Variants in C2orf72 observed in about 807,000 individuals in gnomAD.
C2orf72 encodes chromosome 2 open reading frame 72, also known as uncharacterized protein C2orf72.
A neutral mutation model predicts 14.4 loss-of-function variants in C2orf72; 16 were observed. That is an observed-to-expected ratio of 1.11 (90% CI 0.75 to 1.69). The LOEUF is 1.69. C2orf72 is among the 40% of genes most tolerant of loss of function. C2orf72 has a pLI of 0.00. For synonymous variants in C2orf72, 168 were observed against 176.8 expected (o/e 0.95, Z 0.40); for missense variants, 371 against 358.3 (o/e 1.04, Z -0.29).
At position 231,041,291 on chromosome 2, in the gene C2orf72, C is replaced by T. The variant is rs1693336404; in HGVS notation, c.635-5C>T. On this transcript the variant is annotated splice_region_variant and splice_polypyrimidine_tract_variant and intron_variant, in intron 1 of 2. Transcript: ENST00000373640. ...CCTCTGACTCAGGTTTTGTGTTCTT[C>T]CTAGTGGAAGGAGCCTGGGAGAGGC... The T allele has an allele frequency of 6.5e-7, 1 of 1,546,928 alleles. No homozygotes were observed. Among genetic ancestry groups the T allele is most frequent in the Non-Finnish European group, 8.7e-7 (1 of 1,144,082 alleles).
chr2:231,044,377 G>A (rs185063108), intron 2 of C2orf72, among the ~76,000 whole-genome samples: 261 of 152,134 alleles, frequency 1.7e-3, no homozygotes, highest in Middle Eastern at 3.4e-3. Context: ...GCATGATGGC[G>A]CGTGCCTGTA....
rs148390973 is a variant in C2orf72 at position 231,044,046 on chromosome 2, T to C, written c.748+2637T>C. Among the ~76,000 whole-genome samples the C allele has an allele frequency of 3.6e-3, 555 of 152,316 alleles. 10 individuals carry two copies. The highest frequency in any genetic ancestry group is 2.3e-3 in the Non-Finnish European group (156 of 68,022). ...TGGGCAACTGTAACACAATGGTAAGTAGCTGTGTGTCTCAACATACCTAAA... is the reference window on the plus strand; with the variant it reads ...TGGGCAACTGTAACACAATGGTAAGCAGCTGTGTGTCTCAACATACCTAAA... On this transcript the variant is annotated intron_variant, in intron 2 of 2. Coordinates refer to ENST00000373640, the MANE Select transcript of C2orf72 (RefSeq NM_001144994.2).
chr2:231,041,702 G>T (rs1559209253), intron 2 of C2orf72, among the ~76,000 whole-genome samples: 1 of 152,056 alleles, frequency 6.6e-6, no homozygotes, highest in Non-Finnish European at 1.5e-5. Context: ...ACGTGCATGG[G>T]ACCAAACACA....
chr2:231,038,342 G>A, intron 1 of C2orf72, 143 bp downstream of exon 1: 1 of 673,216 alleles, frequency 1.5e-6, no homozygotes, highest in African/African-American at 1.9e-5. Context: ...GCCAGGCCTC[G>A]CAGCTAGCGG....
chr2:231,046,774 G>T (rs1693423348), intron 2 of C2orf72, 108 bp from the exon 3 acceptor site: 1 of 1,161,414 alleles, frequency 8.6e-7, no homozygotes, highest in East Asian at 2.6e-5. Context: ...ATTTTGTTTT[G>T]TTTTTTAAGT....
In C2orf72 at chr2:231,046,979, A is replaced by G; in HGVS notation, c.846A>G (p.Gly282=). 1.3e-6 allele frequency: 2 copies of G among 1,551,674 alleles called. No individual in the cohort carries two copies. Among genetic ancestry groups the G allele is most frequent in the Non-Finnish European group, 1.7e-6 (2 of 1,147,012 alleles). ...GAAGGGGGTCAAAAGCCTGTGATGG[A>G]GTCGTACACACTCCTGCTGAGCCCA... ...DLGRGSKACD[G]VVHTPAEPTG... is the part of the protein sequence containing the mutation. Residue 282 remains glycine (G), a synonymous_variant, in exon 3 of 3, where the codon GGA becomes GGG. Transcript: ENST00000373640.
At chr2:231,041,196 C>T (rs1484277281) in intron 1 of C2orf72, 100 bp from the exon 2 acceptor site, 1 of 792,032 alleles carries the variant, frequency 1.3e-6, no homozygotes, top group East Asian at 2.9e-5. Flanking sequence ...GAAACTAGGG[C>T]AGTTGACCGT....
chr2:231,042,985 C>A (rs1415587299), intron 2 of C2orf72, among the ~76,000 whole-genome samples: 1 of 152,204 alleles, frequency 6.6e-6, no homozygotes, highest in East Asian at 1.9e-4. Context: ...GCCTAGGCAA[C>A]AAGAGTGAAA....
intron 2 of C2orf72, among the ~76,000 whole-genome samples, chr2:231,045,156 C>G (rs775393821): frequency 6.6e-6 from 1 of 151,620 alleles, no homozygotes. Context: ...CTCAGCTACT[C>G]GGGAGGCTGA....
rs951007225 is a variant in C2orf72 at position 231,047,456 on chromosome 2, C to T, written c.*435C>T. 7 of 317,860 alleles carry T rather than the reference C, an allele frequency of 2.2e-5. No individual in the cohort carries two copies. Among genetic ancestry groups the T allele is most frequent in the African/African-American group, 4.3e-5 (2 of 46,390 alleles). 19.7% of individuals were successfully genotyped at this position (317,860 alleles called of 1,614,324 possible). A position where few individuals can be genotyped will look rare whatever the true frequency, so the allele number is the denominator to read the frequency against. On this transcript the variant is annotated 3_prime_UTR_variant, in exon 3 of 3. Transcript: ENST00000373640. Reference sequence around the variant, plus strand: ...CTGAGGCATGGCCTTGAACATGTCACTCAGTCTCTGGGGCTTCTGTTTCAC... The same window carrying T: ...CTGAGGCATGGCCTTGAACATGTCATTCAGTCTCTGGGGCTTCTGTTTCAC...
At chr2:231,039,697 T>C (rs881185) in intron 1 of C2orf72, among the ~76,000 whole-genome samples, 6,718 of 151,906 alleles carry the variant, frequency 0.044, 229 homozygotes, top group Non-Finnish European at 0.066. Context: ...AGGCCTCCAA[T>C]AGAAAGAAGG....
intron 1 of C2orf72, 49 bp from the exon 2 acceptor site, chr2:231,041,247 G>C: frequency 7.5e-7 from 1 of 1,337,790 alleles, no homozygotes; most frequent in Non-Finnish European, 1.0e-6. Flanking sequence ...TCAGTCTTGT[G>C]AAGTGGGAAC....
At chr2:231,046,860 G>A (rs966230539) in intron 2 of C2orf72, 22 bp from the exon 3 acceptor site, 1 of 1,538,408 alleles carries the variant, frequency 6.5e-7, no homozygotes, top group Non-Finnish European at 8.8e-7. Flanking sequence ...CTGATTCAGT[G>A]ATTTCTTCTC....
At chr2:231,042,681 A>C (rs1286316057) in intron 2 of C2orf72, among the ~76,000 whole-genome samples, 1 of 152,220 alleles carries the variant, frequency 6.6e-6, no homozygotes, top group Non-Finnish European at 1.5e-5. Flanking sequence ...CCATTAGTTG[A>C]TGTGTCAGTC....
intron 2 of C2orf72, among the ~76,000 whole-genome samples, chr2:231,044,053 G>A (rs1011808737): frequency 2.3e-4 from 35 of 152,268 alleles, no homozygotes; most frequent in Non-Finnish European, 3.2e-4. Context: ...AAGTAGCTGT[G>A]TGTCTCAACA....
At chr2:231,039,697 T>G (rs881185) in intron 1 of C2orf72, among the ~76,000 whole-genome samples, 28,479 of 151,864 alleles carry the variant, frequency 0.19, 3,012 homozygotes, top group African/African-American at 0.28. Flanking sequence ...AGGCCTCCAA[T>G]AGAAAGAAGG....
rs1022866710 is a variant in C2orf72 at position 231,038,148 on chromosome 2, G to C, written c.583G>C (p.Val195Leu). 5 of 1,165,548 alleles carry C rather than the reference G, an allele frequency of 4.3e-6. No individual in the cohort carries two copies. The African/African-American group carries it at 8.1e-5, about 19-fold the overall frequency. The allele number at this position is 1,165,548 out of a possible 1,614,324, so 72.2% of individuals were successfully genotyped here. Residue 195 changes from valine (V) to leucine (L), a missense_variant, in exon 1 of 3, where the codon GTC becomes CTC. This residue lies in a region of C2orf72 where 145 missense variants were observed against 149.4 expected (regional missense o/e 0.97). Coordinates refer to ENST00000373640, the MANE Select transcript of C2orf72 (RefSeq NM_001144994.2). ...CGGCCTCCCGGCCTCCTGCCTGGCC[G>C]TCCAGGCGGCCGCCTGCAGGGCCCT... ...CPGLPASCLA[V>L]QAAACRALQA...
intron 2 of C2orf72, among the ~76,000 whole-genome samples, chr2:231,043,288 A>G (rs955826715): frequency 2.0e-5 from 3 of 152,190 alleles, no homozygotes; most frequent in Non-Finnish European, 4.4e-5. Flanking sequence ...TGACTAAGCT[A>G]TCACATTCAC....
chr2:231,038,012 G>A lies in C2orf72; in HGVS notation c.447G>A (p.Glu149=). ...GAALVGVLVA[E]AGPEDAVAPG... ...CGCTGGTCGGGGTGCTGGTGGCCGA[G>A]GCCGGGCCAGAGGACGCGGTGGCGC... The change falls in exon 1 of 3, where the codon GAG becomes GAA. Residue 149 remains glutamate (E), a synonymous_variant. Transcript: ENST00000373640. 1.2e-5 allele frequency: 13 copies of A among 1,059,930 alleles called. No homozygotes were observed. Among genetic ancestry groups the A allele is most frequent in the African/African-American group, 1.7e-5 (1 of 58,742 alleles). 65.7% of individuals were successfully genotyped at this position (1,059,930 alleles called of 1,614,324 possible). A position where few individuals can be genotyped will look rare whatever the true frequency, so the allele number is the denominator to read the frequency against.
Sources: gnomAD v4.1 joint callset for allele counts (sites outside exome capture counted in the v4.1 genomes callset) on GRCh38, gnomAD v4.1.1 for gene constraint, gnomAD v4.1.1 regional missense constraint, MANE v1.5 for transcripts, NCBI Gene and HGNC (gene_info 2026-07-23, HGNC 2026-07-21) for gene names.